The following PDE1C variants were observed in gnomAD, a reference collection of about 807,000 sequenced individuals.
PDE1C encodes the protein phosphodiesterase 1C, also known as dual specificity calcium/calmodulin-dependent 3',5'-cyclic nucleotide phosphodiesterase 1C.
A neutral mutation model predicts 93.1 loss-of-function variants in PDE1C; 62 were observed. That is an observed-to-expected ratio of 0.67 (90% CI 0.54 to 0.82). The LOEUF is 0.82. PDE1C is among the 40% of genes least tolerant of loss of function. PDE1C has a pLI of 0.00. For missense variants in PDE1C, 742 were observed against 884.6 expected, an observed-to-expected ratio of 0.84 and a Z score of 2.04; for synonymous variants, 325 against 310.1, an observed-to-expected ratio of 1.05 and a Z score of -0.50.
the PDE1C span, among the ~76,000 whole-genome samples, chr7:31,621,560 A>C: frequency 5.4e-5 from 8 of 148,370 alleles, no homozygotes; most frequent in Admixed American, 3.4e-4. Context: ...AAATGCTGAG[A>C]GATTTTGTCA....
intron 3 of PDE1C, among the ~76,000 whole-genome samples, chr7:32,104,648 C>G (rs1798207985): frequency 6.6e-6 from 1 of 152,084 alleles, no homozygotes; most frequent in Non-Finnish European, 1.5e-5. Flanking sequence ...TGGGAGGATA[C>G]AGAGTGGGGA....
At chr7:32,245,575 C>T (rs766107741) in intron 1 of PDE1C, among the ~76,000 whole-genome samples, 2 of 152,184 alleles carry the variant, frequency 1.3e-5, no homozygotes, top group Non-Finnish European at 2.9e-5. Flanking sequence ...CCAATCACAG[C>T]TTATTGAGCA....
chr7:32,305,705 G>A (rs1391170222), intron 1 of PDE1C, among the ~76,000 whole-genome samples: 1 of 152,208 alleles, frequency 6.6e-6, no homozygotes, highest in Non-Finnish European at 1.5e-5. Flanking sequence ...ACTCGTTAGA[G>A]TTTCAGGCAT....
intron 3 of PDE1C, among the ~76,000 whole-genome samples, chr7:32,124,937 C>T (rs767310597): frequency 2.6e-5 from 4 of 152,120 alleles, no homozygotes; most frequent in Non-Finnish European, 4.4e-5. Flanking sequence ...AACAGGCAAC[C>T]TACAGAATGG....
chr7:31,895,492 C>G (rs1799171428), intron 2 of PDE1C, among the ~76,000 whole-genome samples: 1 of 152,028 alleles, frequency 6.6e-6, no homozygotes, highest in Non-Finnish European at 1.5e-5. Context: ...TAAGCATTTA[C>G]ATTTTTTTAA....
intron 16 of PDE1C, among the ~76,000 whole-genome samples, chr7:31,800,993 C>A: frequency 6.8e-6 from 1 of 148,000 alleles, no homozygotes; most frequent in African/African-American, 2.5e-5. Context: ...GATCATGATG[C>A]TAAAGCAGTA....
intron 16 of PDE1C, among the ~76,000 whole-genome samples, chr7:31,781,687 C>A (rs1417026269): frequency 8.6e-6 from 1 of 115,672 alleles, no homozygotes; most frequent in Non-Finnish European, 1.7e-5. Flanking sequence ...GTCTTCAACG[C>A]CCCACCCCCC....
chr7:31,795,827 TA>T (rs916272341), intron 16 of PDE1C, among the ~76,000 whole-genome samples: 28 of 151,784 alleles, frequency 1.8e-4, no homozygotes, highest in African/African-American at 6.7e-4. Context: ...CCCAAATTCA[TA>T]AAATAAAACC....
chr7:32,137,176 A>T (rs1015013989), intron 3 of PDE1C, among the ~76,000 whole-genome samples: 1 of 152,206 alleles, frequency 6.6e-6, no homozygotes, highest in African/African-American at 2.4e-5. Flanking sequence ...CCCAACATGT[A>T]CTGTGAAGGG....
intron 1 of PDE1C, among the ~76,000 whole-genome samples, chr7:32,282,732 C>A (rs1276444433): frequency 1.3e-5 from 2 of 151,784 alleles, no homozygotes; most frequent in Non-Finnish European, 2.9e-5. Flanking sequence ...AGGCGCCCGC[C>A]ACCATGCCCA....
chr7:31,777,114 A>G (rs1392053108), intron 16 of PDE1C, among the ~76,000 whole-genome samples: 3 of 151,908 alleles, frequency 2.0e-5, no homozygotes, highest in Non-Finnish European at 4.4e-5. Context: ...CACGTTCTGC[A>G]CATGTACCCT....
intron 2 of PDE1C, among the ~76,000 whole-genome samples, chr7:31,888,133 C>A (rs1798181723): frequency 6.6e-6 from 1 of 150,982 alleles, no homozygotes. Context: ...GCCTGTAGTC[C>A]CAGCTACTTG....
intron 2 of PDE1C, among the ~76,000 whole-genome samples, chr7:31,918,486 T>C (rs893472882): frequency 6.6e-6 from 1 of 152,164 alleles, no homozygotes; most frequent in South Asian, 2.1e-4. Flanking sequence ...CTGTGCACGT[T>C]GAGGAGGTGA....
intron 1 of PDE1C, among the ~76,000 whole-genome samples, chr7:32,394,630 A>C (rs1028251366): frequency 6.6e-6 from 1 of 152,180 alleles, no homozygotes; most frequent in Non-Finnish European, 1.5e-5. Context: ...CAACATGGTG[A>C]AATCCCAACT....
chr7:31,720,404 A>G, the PDE1C span, among the ~76,000 whole-genome samples: 1 of 152,148 alleles, frequency 6.6e-6, no homozygotes, highest in Non-Finnish European at 1.5e-5. Context: ...TCCACTGCCT[A>G]CATCGTAAGC....
At chr7:32,235,797 C>G (rs1369487037) in intron 1 of PDE1C, among the ~76,000 whole-genome samples, 1 of 152,112 alleles carries the variant, frequency 6.6e-6, no homozygotes, top group African/African-American at 2.4e-5. Context: ...TATATGCAAG[C>G]TGATTTTGAA....
At chr7:31,758,807 T>G (rs1794640156) in intron 17 of PDE1C, among the ~76,000 whole-genome samples, 1 of 152,242 alleles carries the variant, frequency 6.6e-6, no homozygotes, top group South Asian at 2.1e-4. Context: ...TGGAGAATGG[T>G]GTAGAAAGGG....
At chr7:32,245,146 T>G (rs1002873078) in intron 1 of PDE1C, among the ~76,000 whole-genome samples, 1 of 152,052 alleles carries the variant, frequency 6.6e-6, no homozygotes, top group Non-Finnish European at 1.5e-5. Flanking sequence ...AGGGAGAAAA[T>G]GCACCCACAG....
At chr7:32,095,272 C>T (rs1563308375) in intron 3 of PDE1C, among the ~76,000 whole-genome samples, 2 of 152,218 alleles carry the variant, frequency 1.3e-5, no homozygotes, top group South Asian at 2.1e-4. Context: ...CCATCAGTGG[C>T]ATTTCCGATG....
Sources: allele counts gnomAD v4.1 joint callset (sites outside exome capture counted in the v4.1 genomes callset), GRCh38; gene constraint gnomAD v4.1.1; transcripts MANE v1.5; gene names NCBI Gene and HGNC (gene_info 2026-07-23, HGNC 2026-07-21).